DLG2: variants seen among roughly 807,000 people sequenced by gnomAD.
The protein encoded by DLG2 is discs large MAGUK scaffold protein 2.
In DLG2, 45 loss-of-function variants were observed where a neutral mutation model predicts 132.5. That is an observed-to-expected ratio of 0.34 (90% confidence interval 0.27 to 0.44). The LOEUF (loss-of-function observed/expected upper bound fraction) is 0.44. Among genes scored for constraint, DLG2 ranks in the 20% least tolerant of loss-of-function variants. The pLI, the probability that DLG2 is intolerant of heterozygous loss-of-function variation, is 1.00. For synonymous variants in DLG2, 424 were observed against 419.6 expected (o/e 1.01, Z -0.13); for missense variants, 1,045 against 1,196.9 (o/e 0.87, Z 1.87).
At chr11:84,120,518 GA>G (rs1168204792) in intron 9 of DLG2, among the ~76,000 whole-genome samples, 3 of 152,144 alleles carry the variant, frequency 2.0e-5, no homozygotes, top group Non-Finnish European at 4.4e-5. Flanking sequence ...ATAAAGCGGG[GA>G]AAAAGCCCAG....
At chr11:84,071,144 G>C (rs2096750535) in intron 10 of DLG2, among the ~76,000 whole-genome samples, 1 of 152,134 alleles carries the variant, frequency 6.6e-6, no homozygotes, top group Non-Finnish European at 1.5e-5. Flanking sequence ...CCCAGCTGTA[G>C]TGCAGTGGCA....
chr11:84,585,453 C>T (rs747934555), intron 6 of DLG2, among the ~76,000 whole-genome samples: 1 of 152,146 alleles, frequency 6.6e-6, no homozygotes, highest in Non-Finnish European at 1.5e-5. Flanking sequence ...TGTACCCTCA[C>T]CTGACTCTTC....
At chr11:85,043,911 T>C (rs568402287) in intron 6 of DLG2, among the ~76,000 whole-genome samples, 2 of 152,074 alleles carry the variant, frequency 1.3e-5, no homozygotes, top group East Asian at 1.9e-4. Flanking sequence ...ATTTTATATA[T>C]ACTTATTGGT....
intron 9 of DLG2, among the ~76,000 whole-genome samples, chr11:84,127,549 TCTTTGGTATTC>T (rs2094233000): frequency 6.6e-6 from 1 of 152,158 alleles, no homozygotes; most frequent in Non-Finnish European, 1.5e-5. Context: ...TTGTCGGTAA[TCTTTGGTATTC>T]CTTGGCTTGG....
chr11:85,295,945 G>C (rs144102766), intron 3 of DLG2, among the ~76,000 whole-genome samples: 112 of 152,202 alleles, frequency 7.4e-4, no homozygotes, highest in African/African-American at 2.6e-3. Context: ...CACAGAAGTA[G>C]CTATAGACTT....
Position 84,954,127 on chromosome 11 carries a change from C to A in DLG2, c.357+157534G>T, listed in dbSNP as rs1591779974. Among the ~76,000 whole-genome samples, 6 of 152,196 alleles carry A rather than the reference C, an allele frequency of 3.9e-5. No homozygotes were observed. The South Asian group carries it at 1.2e-3, about 32-fold the overall frequency. On this transcript the variant is annotated intron_variant, in intron 6 of 27. Transcript: ENST00000376104. ...GTCACGGTGACTCTTTAGTGCCCTA[C>A]ATAGCTTTTATTTGCAAATCTCTAT...
At chr11:85,536,198 G>A (rs1442549527) in intron 3 of DLG2, among the ~76,000 whole-genome samples, 1 of 129,494 alleles carries the variant, frequency 7.7e-6, no homozygotes, top group Non-Finnish European at 1.6e-5. Context: ...CCTGGCAACA[G>A]AGTGTGACCC....
chr11:84,990,088 G>A (rs764810537), intron 6 of DLG2, among the ~76,000 whole-genome samples: 2 of 152,138 alleles, frequency 1.3e-5, no homozygotes, highest in South Asian at 2.1e-4. Flanking sequence ...ACAAGAGTAC[G>A]AATTATATAT....
At chr11:83,611,672 T>G (rs540252570) in intron 19 of DLG2, among the ~76,000 whole-genome samples, 1 of 152,242 alleles carries the variant, frequency 6.6e-6, no homozygotes, top group Non-Finnish European at 1.5e-5. Flanking sequence ...ATTCACTGAA[T>G]GGTACTGAAT....
intron 3 of DLG2, among the ~76,000 whole-genome samples, chr11:85,394,888 G>A (rs2087150775): frequency 6.6e-6 from 1 of 152,078 alleles, no homozygotes; most frequent in Non-Finnish European, 1.5e-5. Flanking sequence ...CAAATTATAG[G>A]TTATGATGAA....
chr11:83,876,024 A>G (rs1190478247), intron 15 of DLG2, among the ~76,000 whole-genome samples: 1 of 152,176 alleles, frequency 6.6e-6, no homozygotes, highest in African/African-American at 2.4e-5. Flanking sequence ...CATGTTTTCA[A>G]TTGACTAGTT....
chr11:84,853,252 A>C lies in DLG2; in HGVS notation c.357+258409T>G, dbSNP rs1007823856. ...ATTTGTCTGGAGGCTACAGAAAGAC[A>C]CTATTGCCATTTTGAAAGGCAAACG... On this transcript the variant is annotated intron_variant, in intron 6 of 27. Coordinates refer to ENST00000376104, the MANE Select transcript of DLG2 (RefSeq NM_001142699.3). 2.0e-4 allele frequency among the ~76,000 whole-genome samples: 30 copies of C among 151,974 alleles called. 2 individuals carry two copies. Among genetic ancestry groups the C allele is most frequent in the Non-Finnish European group, 5.9e-5 (4 of 67,938 alleles).
chr11:85,564,902 CTTAT>C (rs1439257948), intron 3 of DLG2, among the ~76,000 whole-genome samples: 2 of 151,912 alleles, frequency 1.3e-5, no homozygotes, highest in African/African-American at 4.8e-5. Flanking sequence ...TTATTCAGGT[CTTAT>C]TTAATTTCTG....
chr11:85,611,622 G>C (rs189869124), intron 2 of DLG2, among the ~76,000 whole-genome samples: 1 of 152,330 alleles, frequency 6.6e-6, no homozygotes, highest in East Asian at 1.9e-4. Flanking sequence ...TGCCCAGTTA[G>C]CAGAACTAGT....
intron 7 of DLG2, among the ~76,000 whole-genome samples, chr11:84,449,974 G>T (rs2099046867): frequency 6.6e-6 from 1 of 151,918 alleles, no homozygotes; most frequent in South Asian, 2.1e-4. Context: ...TGTTTTTAAA[G>T]ATGTTTTCCA....
intron 18 of DLG2, among the ~76,000 whole-genome samples, chr11:83,721,501 G>T (rs1381424414): frequency 6.6e-6 from 1 of 152,164 alleles, no homozygotes; most frequent in Admixed American, 6.5e-5. Context: ...TTCAAGGTCT[G>T]TCAGTGACTG....
chr11:83,854,248 T>C (rs961147497), intron 16 of DLG2, among the ~76,000 whole-genome samples: 1 of 152,106 alleles, frequency 6.6e-6, no homozygotes, highest in African/African-American at 2.4e-5. Flanking sequence ...AATGGAGAGA[T>C]AGTCCATGTA....
intron 17 of DLG2, among the ~76,000 whole-genome samples, chr11:83,804,465 C>T (rs191023881): frequency 6.6e-6 from 1 of 151,868 alleles, no homozygotes; most frequent in Non-Finnish European, 1.5e-5. Flanking sequence ...ACTTGAAGAA[C>T]ATTATAATAA....
At chr11:84,188,678 C>T (rs1326641939) in intron 8 of DLG2, among the ~76,000 whole-genome samples, 2 of 152,174 alleles carry the variant, frequency 1.3e-5, no homozygotes, top group African/African-American at 4.8e-5. Context: ...CCCAAAGCCA[C>T]AGCTCTCCCT....
Sources: gnomAD v4.1 joint callset for allele counts (sites outside exome capture counted in the v4.1 genomes callset) on GRCh38, gnomAD v4.1.1 for gene constraint, MANE v1.5 for transcripts, NCBI Gene and HGNC (gene_info 2026-07-23, HGNC 2026-07-21) for gene names.